The following SUPT20H variants were observed in gnomAD, a reference collection of about 807,000 sequenced individuals.
The protein encoded by SUPT20H is transcription factor SPT20 homolog.
Under a neutral mutation model 122.8 loss-of-function variants are expected in SUPT20H, and 82 were observed. That is an observed-to-expected ratio of 0.67 (90% CI 0.56 to 0.80). The LOEUF (loss-of-function observed/expected upper bound fraction) is 0.80. Ranked by LOEUF, SUPT20H falls within the 30% of genes least tolerant of loss-of-function variation. The probability of loss-of-function intolerance (pLI) is 0.00; values close to 1 mark genes in which losing one functional copy is unlikely to be tolerated. For missense variants in SUPT20H, 831 were observed against 921.6 expected, an observed-to-expected ratio of 0.90 and a Z score of 1.27; for synonymous variants, 291 against 313.0, an observed-to-expected ratio of 0.93 and a Z score of 0.74.
chr13:37,035,998 A>T (rs2064306240), intron 9 of SUPT20H, among the ~76,000 whole-genome samples: 1 of 152,220 alleles, frequency 6.6e-6, no homozygotes, highest in Non-Finnish European at 1.5e-5. Context: ...AAACTGTATC[A>T]CATGCTATAG....
intron 23 of SUPT20H, chr13:37,012,890 G>A (rs1319741241): frequency 2.0e-5 from 3 of 151,602 alleles, no homozygotes; most frequent in East Asian, 1.9e-4. Flanking sequence ...CAAAAAAAAA[G>A]AGAAAAGCTT....
rs2061561592 is a variant in SUPT20H, at chr13:37,022,376, A to G, written c.1592-296T>C. The G allele has an allele frequency of 7.4e-7, 1 of 1,348,738 alleles. No homozygotes were observed. Among genetic ancestry groups the G allele is most frequent in the South Asian group, 2.1e-5 (1 of 47,068 alleles). 83.5% of individuals were successfully genotyped at this position (1,348,738 alleles called of 1,614,324 possible). A position where few individuals can be genotyped will look rare whatever the true frequency, so the allele number is the denominator to read the frequency against. On this transcript the variant is annotated intron_variant, in intron 19 of 25. Transcript: ENST00000350612. The surrounding 1 kb of genome is among the most constrained non-coding windows in gnomAD (Gnocchi z 4.5). Reference sequence around the variant, plus strand: ...GTTATAAATGGCCAGTCCTTTTAAAATAAGGTTAATGGAATCTTACTTAGC... The same window carrying G: ...GTTATAAATGGCCAGTCCTTTTAAAGTAAGGTTAATGGAATCTTACTTAGC...
chr13:37,010,225 G>A (rs1228559396), intron 25 of SUPT20H, among the ~76,000 whole-genome samples: 2 of 151,998 alleles, frequency 1.3e-5, no homozygotes, highest in African/African-American at 4.8e-5. Context: ...TTACTAATAG[G>A]AACACTTTTC....
intron 9 of SUPT20H, 127 bp from the exon 10 acceptor site, chr13:37,033,715 A>T (rs896208034): frequency 1.3e-4 from 132 of 1,034,698 alleles, no homozygotes; most frequent in Non-Finnish European, 1.5e-4. Context: ...ATGGTATTTC[A>T]AGTTCCAATG....
intron 10 of SUPT20H, among the ~76,000 whole-genome samples, chr13:37,032,369 G>A (rs1317813546): frequency 2.6e-5 from 4 of 152,098 alleles, no homozygotes; most frequent in Admixed American, 6.6e-5. Flanking sequence ...GTAAGACTCC[G>A]GAAGTTGCCA....
chr13:37,050,843 G>GTTTTCTGAAGTT (rs1348285962), intron 2 of SUPT20H, among the ~76,000 whole-genome samples: 7 of 152,168 alleles, frequency 4.6e-5, no homozygotes, highest in African/African-American at 1.7e-4. Flanking sequence ...GAAGACAGAT[G>GTTTTCTGAAGTT]TTTTCTGAAG....
intron 21 of SUPT20H, 137 bp downstream of exon 21, chr13:37,021,308 CTTT>C: frequency 1.1e-6 from 1 of 946,702 alleles, no homozygotes; most frequent in Non-Finnish European, 1.4e-6. Flanking sequence ...CTTTTAAAGG[CTTT>C]TTAAGTGAAA....
At chr13:37,028,574 A>C (rs2062735451) in intron 13 of SUPT20H, among the ~76,000 whole-genome samples, 1 of 152,218 alleles carries the variant, frequency 6.6e-6, no homozygotes, top group South Asian at 2.1e-4. Context: ...ATATTAATAC[A>C]TCATTAAATA....
In SUPT20H at chr13:37,033,451, T is replaced by G; in HGVS notation, c.705A>C (p.Lys235Asn). ...NKQKMNTRPM[K>N]RCFKRYSRSS... Reference sequence around the variant, plus strand: ...CACCCTTCCACAAAGGCAATTACCGTTTCATTGGGCGAGTGTTCATCTTTT... The same window carrying G: ...CACCCTTCCACAAAGGCAATTACCGGTTCATTGGGCGAGTGTTCATCTTTT... Residue 235 changes from lysine to asparagine, a missense_variant and splice_region_variant, in exon 10 of 26, where the codon AAA becomes AAC. Physicochemically the swap from Lys to Asn is moderately conservative, Grantham distance 94. Transcript: ENST00000350612. 1 of 1,608,930 alleles carries G rather than the reference T, an allele frequency of 6.2e-7. No individual in the cohort carries two copies. The highest frequency in any genetic ancestry group is 8.5e-7 in the Non-Finnish European group (1 of 1,177,730).
In SUPT20H at chr13:37,009,569, AT is replaced by A. The variant is rs1566082048; in HGVS notation, c.*102del. The A allele has an allele frequency of 1.5e-6, 2 of 1,325,238 alleles. No individual in the cohort carries two copies. Among genetic ancestry groups the A allele is most frequent in the South Asian group, 2.4e-5 (2 of 82,748 alleles). 82.1% of individuals were successfully genotyped at this position (1,325,238 alleles called of 1,614,324 possible). A position where few individuals can be genotyped will look rare whatever the true frequency, so the allele number is the denominator to read the frequency against. ...CTGTATAAAGTTTGTACATCTAGCA[AT>A]GTAAAATACTGACACATTAAAAAAA... On this transcript the variant is annotated 3_prime_UTR_variant, in exon 26 of 26. Coordinates refer to ENST00000350612, the MANE Select transcript of SUPT20H (RefSeq NM_001014286.3).
At chr13:37,040,166 T>C (rs1024408741) in intron 9 of SUPT20H, 1 of 381,350 alleles carries the variant, frequency 2.6e-6, no homozygotes. Context: ...AACTAAGTTT[T>C]ATCTCATTGA....
chr13:37,021,093 T>C lies in SUPT20H; in HGVS notation c.1816+355A>G, dbSNP rs533829176. 2.0e-4 allele frequency among the ~76,000 whole-genome samples: 30 copies of C among 152,358 alleles called. No individual in the cohort carries two copies. In the East Asian group the frequency reaches 5.2e-3, roughly 26 times the overall value. ...AGTCTGGCTCCAGAATCCAGGCTCT[T>C]AACTGCGATGCAGTTGCCTCTTGTA... On this transcript the variant is annotated intron_variant, in intron 21 of 25. Transcript: ENST00000350612.
chr13:37,047,963 G>A, intron 3 of SUPT20H, 27 bp from the exon 4 acceptor site: 3 of 1,583,298 alleles, frequency 1.9e-6, no homozygotes, highest in Non-Finnish European at 2.6e-6. Context: ...TATGAGAACA[G>A]CTTGCTTTTT....
intron 9 of SUPT20H, among the ~76,000 whole-genome samples, chr13:37,036,513 G>C (rs528334211): frequency 4.4e-4 from 67 of 152,068 alleles, no homozygotes; most frequent in African/African-American, 1.5e-3. Flanking sequence ...TTAGAGACGG[G>C]GTTTCACCAT....
intron 10 of SUPT20H, among the ~76,000 whole-genome samples, 191 bp from the exon 11 acceptor site, chr13:37,032,086 C>T (rs1035541797): frequency 1.3e-5 from 2 of 152,058 alleles, no homozygotes; most frequent in African/African-American, 4.8e-5. Context: ...CCCATCACCA[C>T]AGAGCTATCA....
At chr13:37,043,275 T>C (rs1227978206) in intron 7 of SUPT20H, among the ~76,000 whole-genome samples, 2 of 152,160 alleles carry the variant, frequency 1.3e-5, no homozygotes, top group African/African-American at 4.8e-5. Context: ...AGTCGACTGG[T>C]GCTAGGAGGA....
In SUPT20H at chr13:37,027,361, CT is replaced by C. The variant is rs1241762899; in HGVS notation, c.1152-546del. On this transcript the variant is annotated intron_variant, in intron 14 of 25. Transcript: ENST00000350612. The stretch of plus-strand genomic sequence containing the variant: ...ATGTATGTTATCAAAATATCTGATC[CT>C]TTTACAATAATAAAAACTGGTCATG... 3.3e-5 allele frequency among the ~76,000 whole-genome samples: 5 copies of C among 151,818 alleles called. 1 individual carries two copies. The East Asian group carries it at 9.7e-4, about 29-fold the overall frequency.
Position 37,022,419 on chromosome 13 carries a change from G to GTTTT in SUPT20H, c.1592-343_1592-340dup. ...TACTTAGCACTGACAATTTGTTCTAGTTTTTTTTTTTTTAGCAGTTAACTG... is the reference window on the plus strand; with the variant it reads ...TACTTAGCACTGACAATTTGTTCTAGTTTTTTTTTTTTTTTTTAGCAGTTAACTG... On this transcript the variant is annotated intron_variant, in intron 19 of 25. Transcript: ENST00000350612. This position sits in a 1 kb window ranked among gnomAD's most constrained non-coding sequence, Gnocchi z 4.5. 1 of 1,156,600 alleles carries GTTTT rather than the reference G, an allele frequency of 8.6e-7. No individual in the cohort carries two copies. Among genetic ancestry groups the GTTTT allele is most frequent in the African/African-American group, 1.6e-5 (1 of 61,378 alleles). 71.6% of individuals were successfully genotyped at this position (1,156,600 alleles called of 1,614,324 possible). A position where few individuals can be genotyped will look rare whatever the true frequency, so the allele number is the denominator to read the frequency against.
intron 22 of SUPT20H, among the ~76,000 whole-genome samples, chr13:37,018,882 C>G (rs1029005575): frequency 5.3e-5 from 8 of 152,104 alleles, no homozygotes; most frequent in Admixed American, 4.6e-4. Flanking sequence ...CTCCTGAGCT[C>G]AAGCAATCCA....
Sources: allele counts gnomAD v4.1 joint callset (sites outside exome capture counted in the v4.1 genomes callset), GRCh38; gene constraint gnomAD v4.1.1; non-coding constraint Gnocchi (gnomAD v3.1); transcripts MANE v1.5; gene names NCBI Gene and HGNC (gene_info 2026-07-23, HGNC 2026-07-21).